FBLN2: variants seen among roughly 807,000 people sequenced by gnomAD.
FBLN2 encodes the protein fibulin-2.
Under a neutral mutation model 123.7 loss-of-function variants are expected in FBLN2, and 81 were observed. That is an observed-to-expected ratio of 0.65 (90% CI 0.55 to 0.79). The LOEUF is 0.79. Among genes scored for constraint, FBLN2 ranks in the 30% least tolerant of loss-of-function variants. The pLI, the probability that FBLN2 is intolerant of heterozygous loss-of-function variation, is 0.00. For missense variants in FBLN2, 1,603 were observed against 1,681.3 expected (o/e 0.95, Z 0.81); for synonymous variants, 699 against 701.4 (o/e 1.00, Z 0.05).
chr3:13,556,336 C>T (rs557424801), intron 1 of FBLN2, among the ~76,000 whole-genome samples: 132 of 120,820 alleles, frequency 1.1e-3, no homozygotes, highest in African/African-American at 3.8e-3. Context: ...AAGCGGCGGA[C>T]GGAGAGAGAG....
intron 2 of FBLN2, among the ~76,000 whole-genome samples, chr3:13,607,302 A>G (rs1245282963): frequency 7.0e-6 from 1 of 141,954 alleles, no homozygotes; most frequent in Admixed American, 7.0e-5. Context: ...CTGTATTCTT[A>G]AAGTAAGCTT....
Position 13,549,740 on chromosome 3 carries a change from G to T in FBLN2, c.-42+532G>T, listed in dbSNP as rs943967926. Among the ~76,000 whole-genome samples the T allele has an allele frequency of 5.7e-4, 86 of 151,548 alleles. 1 individual carries two copies. The highest frequency in any genetic ancestry group is 5.6e-3 in the Admixed American group (86 of 15,232). On this transcript the variant is annotated intron_variant, in intron 1 of 17. Transcript: ENST00000404922. Reference sequence around the variant, plus strand: ...CTCACACAAGCAGAAGTTTCTGCACGCTCTGCATTGGCGCGCCCACCCTGC... The same window carrying T: ...CTCACACAAGCAGAAGTTTCTGCACTCTCTGCATTGGCGCGCCCACCCTGC...
At chr3:13,626,695 C>G in intron 10 of FBLN2, 116 bp downstream of exon 10, 1 of 1,048,680 alleles carries the variant, frequency 9.5e-7, no homozygotes, top group Non-Finnish European at 1.3e-6. Flanking sequence ...GGCCACGCCC[C>G]TCTCCATCCC....
At chr3:13,626,675 CCTTAGGCCTGGCCACG>C (rs1445768117) in intron 10 of FBLN2, 96 bp downstream of exon 10, 3 of 1,317,532 alleles carry the variant, frequency 2.3e-6, no homozygotes, top group Admixed American at 5.1e-5. Flanking sequence ...CCCTGGCCAC[CCTTAGGCCTGGCCACG>C]CCCCTCTCCA....
intron 4 of FBLN2, among the ~76,000 whole-genome samples, chr3:13,612,838 G>A (rs1270278229): frequency 2.6e-5 from 4 of 152,218 alleles, no homozygotes; most frequent in Non-Finnish European, 5.9e-5. Flanking sequence ...AGAGATGCAA[G>A]AATAGAGTAT....
At chr3:13,589,472 GT>G (rs1704604205) in intron 2 of FBLN2, among the ~76,000 whole-genome samples, 1 of 152,092 alleles carries the variant, frequency 6.6e-6, no homozygotes, top group African/African-American at 2.4e-5. Flanking sequence ...ACATCCCAGG[GT>G]TCCACCTGGA....
chr3:13,618,833 TG>T, intron 6 of FBLN2, 70 bp from the exon 7 acceptor site: 1 of 1,106,340 alleles, frequency 9.0e-7, no homozygotes, highest in Non-Finnish European at 1.3e-6. Flanking sequence ...GGCAGGTGCC[TG>T]GAAGTGCCTG....
Position 13,570,473 on chromosome 3 carries a change from C to T in FBLN2, c.118C>T (p.Pro40Ser). ...GGACTGCACGGGCGTGGAGTGCCCGCCGCTGGAGAACTGCATTGAGGAGGC... is the reference window on the plus strand; with the variant it reads ...GGACTGCACGGGCGTGGAGTGCCCGTCGCTGGAGAACTGCATTGAGGAGGC... ...RQDCTGVECPPLENCIEEALE... is the reference protein window; with the variant it reads ...RQDCTGVECPSLENCIEEALE... The change falls in exon 2 of 18, where the codon CCG becomes TCG. Residue 40 changes from proline to serine, a missense_variant. Coordinates refer to ENST00000404922, the MANE Select transcript of FBLN2 (RefSeq NM_001004019.2). The T allele has an allele frequency of 6.3e-7, 1 of 1,578,838 alleles. No homozygotes were observed. Among genetic ancestry groups the T allele is most frequent in the East Asian group, 2.3e-5 (1 of 43,092 alleles).
intron 4 of FBLN2, 46 bp downstream of exon 4, chr3:13,609,688 G>GGGGGGGGGCGCC: frequency 2.0e-6 from 1 of 512,604 alleles, no homozygotes; most frequent in South Asian, 1.6e-5. Flanking sequence ...GTGGGGCGGG[G>GGGGGGGGGCGCC]CGGGAGGCTG....
chr3:13,557,736 C>T (rs1703499372), intron 1 of FBLN2, among the ~76,000 whole-genome samples: 1 of 152,244 alleles, frequency 6.6e-6, no homozygotes, highest in South Asian at 2.1e-4. Context: ...CAGCAGTCCA[C>T]GTAGCCTGAA....
chr3:13,577,348 G>T (rs1704183707), intron 2 of FBLN2, among the ~76,000 whole-genome samples: 1 of 152,142 alleles, frequency 6.6e-6, no homozygotes, highest in South Asian at 2.1e-4. Context: ...CTGAAAGAGG[G>T]AGCGGCGAGT....
intron 2 of FBLN2, among the ~76,000 whole-genome samples, chr3:13,599,154 C>T (rs1704942635): frequency 6.6e-6 from 1 of 152,110 alleles, no homozygotes; most frequent in Non-Finnish European, 1.5e-5. Flanking sequence ...CAAGATGACT[C>T]AGGGATGTGG....
At chr3:13,606,326 T>C (rs2124876912) in intron 2 of FBLN2, among the ~76,000 whole-genome samples, 1 of 152,386 alleles carries the variant, frequency 6.6e-6, no homozygotes, top group Middle Eastern at 3.4e-3. Flanking sequence ...GTCAGCAGTC[T>C]ATTATATGTG....
chr3:13,632,800 C>A (rs541869651), intron 16 of FBLN2, among the ~76,000 whole-genome samples: 1 of 152,062 alleles, frequency 6.6e-6, no homozygotes, highest in East Asian at 1.9e-4. Context: ...CAGAAGCTGG[C>A]TTACTTAGGT....
At chr3:13,566,550 A>G (rs961050261) in intron 1 of FBLN2, 1 of 152,200 alleles carries the variant, frequency 6.6e-6, no homozygotes, top group South Asian at 2.1e-4. Flanking sequence ...CAGGTGAGCC[A>G]CCCCAAGGGG....
chr3:13,633,997 C>T (rs1706360426), intron 16 of FBLN2, among the ~76,000 whole-genome samples: 1 of 26,602 alleles, frequency 3.8e-5, no homozygotes, highest in African/African-American at 1.6e-4. Context: ...ACACACACAG[C>T]TGAAAGTCAC....
intron 1 of FBLN2, among the ~76,000 whole-genome samples, chr3:13,555,903 C>T (rs1399782736): frequency 6.6e-6 from 1 of 152,234 alleles, no homozygotes; most frequent in Non-Finnish European, 1.5e-5. Flanking sequence ...TGGTGCTTGT[C>T]CCTGAAATCA....
chr3:13,628,826 C>T (rs2124906578), intron 11 of FBLN2, 79 bp from the exon 12 acceptor site: 2 of 1,535,752 alleles, frequency 1.3e-6, no homozygotes, highest in South Asian at 2.5e-5. Context: ...CCGACCCCCT[C>T]CCAGTGTGGC....
At position 13,609,567 on chromosome 3, in the gene FBLN2, C is replaced by T. The variant is rs775767006; in HGVS notation, c.1473C>T (p.Ala491=). The change falls in exon 4 of 18, where the codon GCC becomes GCT. Residue 491 remains alanine, a synonymous_variant. Transcript: ENST00000404922. ...VSYLQEKSCM[A]GVLGAKEGET... ...ACTTGCAGGAGAAGAGCTGCATGGC[C>T]GGCGTCCTGGGAGCCAAGGAGGGTG... 149 of 1,553,114 alleles carry T rather than the reference C, an allele frequency of 9.6e-5. No individual in the cohort carries two copies. Among genetic ancestry groups the T allele is most frequent in the South Asian group, 1.5e-4 (13 of 84,206 alleles).
Sources: gnomAD v4.1 joint callset for allele counts (sites outside exome capture counted in the v4.1 genomes callset) on GRCh38, gnomAD v4.1.1 for gene constraint, MANE v1.5 for transcripts, NCBI Gene and HGNC (gene_info 2026-07-23, HGNC 2026-07-21) for gene names.